The following SOX5 variants were observed in gnomAD, a reference collection of about 807,000 sequenced individuals.
SOX5 encodes the protein SRY-box transcription factor 5, also known as transcription factor SOX-5.
In SOX5, 9 loss-of-function variants were observed where a neutral mutation model predicts 92.0. The observed-to-expected ratio is 0.10, with a 90% CI of 0.06 to 0.17. The LOEUF (loss-of-function observed/expected upper bound fraction) is 0.17, where lower values mean the gene tolerates loss of function less well. Ranked by LOEUF, SOX5 falls within the 10% of genes least tolerant of loss-of-function variation. SOX5 has a pLI of 1.00. For synonymous variants in SOX5, 344 were observed against 336.3 expected, an observed-to-expected ratio of 1.02 and a Z score of -0.25; for missense variants, 642 against 944.5, an observed-to-expected ratio of 0.68 and a Z score of 4.20.
At chr12:23,689,794 T>C (rs1419309586) in intron 6 of SOX5, among the ~76,000 whole-genome samples, 1 of 152,148 alleles carries the variant, frequency 6.6e-6, no homozygotes, top group Non-Finnish European at 1.5e-5. Flanking sequence ...GAATGAAGGA[T>C]TTGGAAGTAT....
chr12:23,833,824 G>C (rs2135687378), intron 3 of SOX5, among the ~76,000 whole-genome samples: 1 of 151,924 alleles, frequency 6.6e-6, no homozygotes, highest in Non-Finnish European at 1.5e-5. Context: ...TAAAAGAAGA[G>C]TGTGAGGATA....
chr12:24,255,156 GT>G (rs1211143851), intron 3 of SOX5, among the ~76,000 whole-genome samples: 1 of 152,040 alleles, frequency 6.6e-6, no homozygotes, highest in Admixed American at 6.6e-5. Flanking sequence ...ATTTTAAATA[GT>G]TTTTCCTAAT....
chr12:24,174,205 C>T (rs7134791), intron 4 of SOX5, among the ~76,000 whole-genome samples: 2,937 of 152,048 alleles, frequency 0.019, 96 homozygotes, highest in African/African-American at 0.067. Flanking sequence ...GCCATGTTTG[C>T]CCAGGATGGT....
chr12:23,597,058 T>TA (rs1367673255), intron 9 of SOX5, among the ~76,000 whole-genome samples: 5 of 152,270 alleles, frequency 3.3e-5, no homozygotes, highest in South Asian at 4.1e-4. Context: ...AAGTTTCCCT[T>TA]AAAAAATCTG....
At chr12:24,371,239 C>A (rs1364604243) in intron 1 of SOX5, among the ~76,000 whole-genome samples, 1 of 152,204 alleles carries the variant, frequency 6.6e-6, no homozygotes, top group Non-Finnish European at 1.5e-5. Context: ...GGCCTACGGA[C>A]AAGCCCTAGC....
intron 4 of SOX5, among the ~76,000 whole-genome samples, chr12:24,143,982 A>T (rs1950836709): frequency 6.6e-6 from 1 of 152,274 alleles, no homozygotes; most frequent in East Asian, 1.9e-4. Flanking sequence ...GTTCTTAAAA[A>T]GACAAGACCC....
At chr12:23,542,870 G>A (rs778695666) in intron 13 of SOX5, among the ~76,000 whole-genome samples, 3 of 152,030 alleles carry the variant, frequency 2.0e-5, no homozygotes, top group Admixed American at 6.6e-5. Context: ...TAGTATGCAA[G>A]GAAATGAATA....
intron 3 of SOX5, among the ~76,000 whole-genome samples, chr12:23,775,233 T>C (rs1347701064): frequency 6.6e-6 from 1 of 152,226 alleles, no homozygotes; most frequent in Non-Finnish European, 1.5e-5. Context: ...TTATTGACTG[T>C]TTAAAATGCG....
Position 24,389,486 on chromosome 12 carries a change from A to G in SOX5, c.-250-20847T>C, listed in dbSNP as rs1222076681. Among the ~76,000 whole-genome samples the G allele has an allele frequency of 2.6e-5, 4 of 152,322 alleles. No homozygotes were observed. In the East Asian group the frequency reaches 7.7e-4, roughly 29 times the overall value. On this transcript the variant is annotated intron_variant, in intron 1 of 4. Coordinates refer to the SOX5 transcript ENST00000446891. ...TATGCAGGTTAGGTAAACGTATGCCATGGTGATTTGCTGCACAGATCAACC... is the reference window on the plus strand; with the variant it reads ...TATGCAGGTTAGGTAAACGTATGCCGTGGTGATTTGCTGCACAGATCAACC...
chr12:23,582,153 C>T (rs577343783), intron 9 of SOX5: 1 of 985,168 alleles, frequency 1.0e-6, no homozygotes, highest in South Asian at 4.7e-5. Flanking sequence ...TGCACTGTTG[C>T]CGCACCTCTT....
At chr12:24,396,601 A>G (rs1210617669) in intron 1 of SOX5, among the ~76,000 whole-genome samples, 1 of 152,234 alleles carries the variant, frequency 6.6e-6, no homozygotes, top group African/African-American at 2.4e-5. Flanking sequence ...GGCTTCCTCC[A>G]GCTGACACTT....
intron 1 of SOX5, among the ~76,000 whole-genome samples, chr12:24,482,331 G>A (rs527555754): frequency 1.3e-5 from 2 of 152,278 alleles, no homozygotes; most frequent in Admixed American, 1.3e-4. Context: ...TTCACCAGAG[G>A]AAAGAATGGG....
chr12:24,437,969 A>G (rs1387114485), intron 1 of SOX5, among the ~76,000 whole-genome samples: 1 of 152,250 alleles, frequency 6.6e-6, no homozygotes, highest in African/African-American at 2.4e-5. Context: ...TCTACTATAA[A>G]GACACATGCA....
At chr12:24,486,857 T>C (rs1946574654) in intron 1 of SOX5, among the ~76,000 whole-genome samples, 1 of 152,206 alleles carries the variant, frequency 6.6e-6, no homozygotes, top group African/African-American at 2.4e-5. Flanking sequence ...TATGAGGAAA[T>C]CACTTCTTCA....
intron 1 of SOX5, among the ~76,000 whole-genome samples, chr12:23,921,515 A>C (rs1365831924): frequency 2.6e-5 from 4 of 152,210 alleles, no homozygotes; most frequent in Admixed American, 1.3e-4. Context: ...TTCCCTTAGA[A>C]GCAAAGGTCT....
chr12:24,422,425 G>A lies in SOX5; in HGVS notation c.-250-53786C>T, dbSNP rs190267552. On this transcript the variant is annotated intron_variant, in intron 1 of 4. Transcript: ENST00000446891. ...ATTCCCAGTGCTCAACTCTGCAGCCGTCTCTTCCCCAGCCTGGGAGATCAT... is the reference window on the plus strand; with the variant it reads ...ATTCCCAGTGCTCAACTCTGCAGCCATCTCTTCCCCAGCCTGGGAGATCAT... Among the ~76,000 whole-genome samples the A allele has an allele frequency of 2.0e-3, 304 of 152,232 alleles. 1 individual carries two copies. The highest frequency in any genetic ancestry group is 6.6e-3 in the African/African-American group (273 of 41,536).
intron 1 of SOX5, among the ~76,000 whole-genome samples, chr12:24,541,749 G>A (rs1295119318): frequency 2.0e-5 from 3 of 152,066 alleles, no homozygotes; most frequent in East Asian, 1.9e-4. Context: ...AGAACATAAC[G>A]TGCTGAAACA....
At chr12:24,244,668 C>T (rs751965539) in intron 3 of SOX5, among the ~76,000 whole-genome samples, 1 of 152,024 alleles carries the variant, frequency 6.6e-6, no homozygotes, top group African/African-American at 2.4e-5. Flanking sequence ...GTGCCTGGGG[C>T]AGTGTAAGAG....
At chr12:24,119,735 T>C (rs1045439021) in intron 4 of SOX5, among the ~76,000 whole-genome samples, 1 of 152,156 alleles carries the variant, frequency 6.6e-6, no homozygotes, top group Non-Finnish European at 1.5e-5. Flanking sequence ...GGTCAATGTA[T>C]GCACAGCTCA....
Sources: allele counts gnomAD v4.1 joint callset (sites outside exome capture counted in the v4.1 genomes callset), GRCh38; gene constraint gnomAD v4.1.1; transcripts MANE v1.5; gene names NCBI Gene and HGNC (gene_info 2026-07-23, HGNC 2026-07-21).